Variants in AGTPBP1 observed in about 807,000 individuals in gnomAD.
The protein encoded by AGTPBP1 is ATP/GTP binding carboxypeptidase 1.
In AGTPBP1, 70 loss-of-function variants were observed where a neutral mutation model predicts 143.9. That is an observed-to-expected ratio of 0.49 (90% confidence interval 0.40 to 0.59). The LOEUF (loss-of-function observed/expected upper bound fraction) is 0.59, where lower values mean the gene tolerates loss of function less well. AGTPBP1 is among the 20% of genes least tolerant of loss of function. The probability of loss-of-function intolerance (pLI) is 0.00; values close to 1 mark genes in which losing one functional copy is unlikely to be tolerated. For missense variants in AGTPBP1, 1,229 were observed against 1,464.5 expected, an observed-to-expected ratio of 0.84 and a Z score of 2.62; for synonymous variants, 463 against 500.2, an observed-to-expected ratio of 0.93 and a Z score of 0.99.
intron 25 of AGTPBP1, among the ~76,000 whole-genome samples, chr9:85,572,526 CAT>C (rs1361788205): frequency 6.6e-6 from 1 of 152,072 alleles, no homozygotes; most frequent in African/African-American, 2.4e-5. Context: ...ATGTTAAAAA[CAT>C]ATTTGTGATA....
chr9:85,703,154 G>A (rs1836778172), intron 2 of AGTPBP1, among the ~76,000 whole-genome samples: 1 of 152,184 alleles, frequency 6.6e-6, no homozygotes, highest in South Asian at 2.1e-4. Flanking sequence ...TGAGTCTGCA[G>A]CTAATGTTTC....
the AGTPBP1 span, among the ~76,000 whole-genome samples, chr9:85,780,186 A>C: frequency 1.2e-4 from 18 of 151,384 alleles, no homozygotes; most frequent in Non-Finnish European, 7.4e-5. Context: ...GTTTTTTCTG[A>C]AGGTTAGTAA....
the AGTPBP1 span, among the ~76,000 whole-genome samples, chr9:85,773,064 GACC>G: frequency 6.6e-6 from 1 of 151,762 alleles, no homozygotes; most frequent in African/African-American, 2.4e-5. Flanking sequence ...AGGAGATCGA[GACC>G]ATCCTAGCTA....
intron 23 of AGTPBP1, among the ~76,000 whole-genome samples, chr9:85,583,268 T>G (rs62566895): frequency 0.017 from 2,567 of 152,300 alleles, 31 homozygotes; most frequent in Middle Eastern, 0.054. Context: ...CTATGTTTGT[T>G]GTAGTCTGCT....
upstream of AGTPBP1, among the ~76,000 whole-genome samples, chr9:85,742,975 T>A (rs995780234): frequency 2.6e-5 from 4 of 152,210 alleles, no homozygotes; most frequent in Non-Finnish European, 5.9e-5. Context: ...TAACCCAAGG[T>A]ACACCACAGT....
intron 17 of AGTPBP1, among the ~76,000 whole-genome samples, chr9:85,616,051 CT>C (rs1474221306): frequency 6.6e-6 from 1 of 151,910 alleles, no homozygotes; most frequent in Non-Finnish European, 1.5e-5. Flanking sequence ...TATGAGTCTT[CT>C]TTTTTAAAAA....
chr9:85,642,522 C>T (rs1016320733), intron 13 of AGTPBP1, among the ~76,000 whole-genome samples: 6 of 151,566 alleles, frequency 4.0e-5, no homozygotes, highest in Non-Finnish European at 5.9e-5. Context: ...TTAGTAGTGA[C>T]GGGGTTTCAC....
chr9:85,717,507 AT>A (rs1837785035), intron 1 of AGTPBP1, among the ~76,000 whole-genome samples: 1 of 152,154 alleles, frequency 6.6e-6, no homozygotes, highest in African/African-American at 2.4e-5. Context: ...GTCTCAAAAA[AT>A]AAATAAAATA....
At chr9:85,549,046 T>G (rs994997862) in intron 25 of AGTPBP1, among the ~76,000 whole-genome samples, 1 of 152,232 alleles carries the variant, frequency 6.6e-6, no homozygotes, top group African/African-American at 2.4e-5. Context: ...TCCTTGAGTT[T>G]GTATTTCAAA....
chr9:85,668,258 A>G (rs1325653480), intron 8 of AGTPBP1, among the ~76,000 whole-genome samples: 1 of 152,066 alleles, frequency 6.6e-6, no homozygotes, highest in African/African-American at 2.4e-5. Context: ...TCTTGTTTGG[A>G]TTCTGATTCA....
intron 5 of AGTPBP1, among the ~76,000 whole-genome samples, chr9:85,677,829 C>A (rs1834928812): frequency 6.6e-6 from 1 of 152,112 alleles, no homozygotes; most frequent in African/African-American, 2.4e-5. Flanking sequence ...CATGGTGAAA[C>A]CCCGTCTCAA....
chr9:85,663,531 C>G (rs1564119224), intron 8 of AGTPBP1, among the ~76,000 whole-genome samples: 1 of 151,502 alleles, frequency 6.6e-6, no homozygotes, highest in Non-Finnish European at 1.5e-5. Context: ...ATATCCAGCA[C>G]TCAACAAGGT....
intron 2 of AGTPBP1, among the ~76,000 whole-genome samples, chr9:85,694,790 C>T (rs143586018): frequency 6.8e-4 from 103 of 152,234 alleles, no homozygotes; most frequent in Non-Finnish European, 1.2e-3. Flanking sequence ...CAATAGCAGC[C>T]TCAACCTCTG....
chr9:85,766,842 G>A, the AGTPBP1 span, among the ~76,000 whole-genome samples: 2 of 152,148 alleles, frequency 1.3e-5, no homozygotes, highest in East Asian at 3.8e-4. Context: ...AGTTGGAATG[G>A]TTTGCTATCT....
chr9:85,787,385 G>A, the AGTPBP1 span, among the ~76,000 whole-genome samples: 6 of 152,154 alleles, frequency 3.9e-5, no homozygotes, highest in African/African-American at 1.4e-4. Context: ...TGACATCTCT[G>A]GTCACATGGA....
At chr9:85,770,136 A>G in the AGTPBP1 span, 19 of 593,638 alleles carry the variant, frequency 3.2e-5, no homozygotes, top group Non-Finnish European at 2.1e-5. Flanking sequence ...ATTATGTGGC[A>G]TAGCAAGCAC....
At chr9:85,727,717 G>C (rs1778182405) in intron 1 of AGTPBP1, among the ~76,000 whole-genome samples, 1 of 152,112 alleles carries the variant, frequency 6.6e-6, no homozygotes, top group Admixed American at 6.6e-5. Context: ...CCAGGCCTTA[G>C]AGAAAATATT....
At chr9:85,710,848 T>C (rs1401163891) in intron 2 of AGTPBP1, among the ~76,000 whole-genome samples, 4 of 152,158 alleles carry the variant, frequency 2.6e-5, no homozygotes, top group African/African-American at 4.8e-5. Context: ...TCAATAGAAA[T>C]AGCATTATTT....
chr9:85,741,453 G>A, intron 1 of AGTPBP1: 1 of 985,352 alleles, frequency 1.0e-6, no homozygotes, highest in Non-Finnish European at 1.2e-6. Flanking sequence ...GGGCTGAGCA[G>A]AAAGGGCGGC....
Sources: allele counts gnomAD v4.1 joint callset (sites outside exome capture counted in the v4.1 genomes callset), GRCh38; gene constraint gnomAD v4.1.1; transcripts MANE v1.5; gene names NCBI Gene and HGNC (gene_info 2026-07-23, HGNC 2026-07-21).